CELF2: variants seen among roughly 807,000 people sequenced by gnomAD.
CELF2 encodes CUG triplet repeat RNA-binding protein 2.
Under a neutral mutation model 62.6 loss-of-function variants are expected in CELF2, and 8 were observed. The observed-to-expected ratio is 0.13, with a 90% confidence interval of 0.07 to 0.23. CELF2 has a LOEUF of 0.23. CELF2 is among the 10% of genes least tolerant of loss of function. The pLI is 1.00. For missense variants in CELF2, 333 were observed against 671.0 expected (o/e 0.50, Z 5.56); for synonymous variants, 258 against 250.0 (o/e 1.03, Z -0.30).
chr10:10,930,342 A>G (rs1592065407), intron 2 of CELF2, among the ~76,000 whole-genome samples: 1 of 152,210 alleles, frequency 6.6e-6, no homozygotes, highest in Non-Finnish European at 1.5e-5. Context: ...ACATACTTTA[A>G]AAATTAATAA....
intron 2 of CELF2, among the ~76,000 whole-genome samples, chr10:11,166,784 T>C (rs909432577): frequency 6.6e-6 from 1 of 152,240 alleles, no homozygotes; most frequent in African/African-American, 2.4e-5. Flanking sequence ...TCTCTAACCC[T>C]TTTCCTTACT....
intron 2 of CELF2, among the ~76,000 whole-genome samples, chr10:10,994,046 A>G (rs1177227423): frequency 6.6e-6 from 1 of 152,172 alleles, no homozygotes; most frequent in East Asian, 1.9e-4. Flanking sequence ...TTCTTAAGCC[A>G]CTCAGTTTAT....
chr10:10,576,964 A>C, the CELF2 span, among the ~76,000 whole-genome samples: 1 of 152,224 alleles, frequency 6.6e-6, no homozygotes, highest in Non-Finnish European at 1.5e-5. Flanking sequence ...AGGGGTTTAC[A>C]TATTCACTCC....
At chr10:10,479,026 G>A in the CELF2 span, among the ~76,000 whole-genome samples, 7 of 152,136 alleles carry the variant, frequency 4.6e-5, no homozygotes, top group East Asian at 5.8e-4. Context: ...CTGACAGGTC[G>A]CTTGTCTGCT....
the CELF2 span, among the ~76,000 whole-genome samples, chr10:10,519,630 G>T: frequency 4.6e-5 from 7 of 152,312 alleles, no homozygotes; most frequent in Admixed American, 2.6e-4. Context: ...TTTCTTAGAA[G>T]TAAACAATTT....
At chr10:11,084,717 A>T (rs1392976655) in intron 1 of CELF2, among the ~76,000 whole-genome samples, 3 of 152,114 alleles carry the variant, frequency 2.0e-5, no homozygotes, top group Admixed American at 6.5e-5. Flanking sequence ...ATTTTACCTG[A>T]TAATTAGTAA....
rs1031161750 is a variant in CELF2, at chr10:11,246,027, C to T, written c.355-3126C>T. Among the ~76,000 whole-genome samples the T allele has an allele frequency of 1.1e-4, 17 of 152,278 alleles. No homozygotes were observed. The highest frequency in any genetic ancestry group is 1.9e-4 in the East Asian group (1 of 5,188). On this transcript the variant is annotated intron_variant, in intron 3 of 12. Coordinates refer to ENST00000633077, the MANE Select transcript of CELF2 (RefSeq NM_001326342.2). The surrounding 1 kb of genome is among the most constrained non-coding windows in gnomAD (Gnocchi z 4.6). The stretch of plus-strand genomic sequence containing the variant: ...ACCTGTCAGCCGAGAGCACTGACTG[C>T]GTGATTTCCAGGGTCCTTTACAGCT...
the CELF2 span, among the ~76,000 whole-genome samples, chr10:10,591,603 A>C: frequency 6.6e-6 from 1 of 152,196 alleles, no homozygotes; most frequent in African/African-American, 2.4e-5. Flanking sequence ...GGAAAAACCA[A>C]TGTATATTTT....
At position 10,993,944 on chromosome 10, in the gene CELF2, G is replaced by T. The variant is rs547734150; in HGVS notation, c.89+73945G>T. Among the ~76,000 whole-genome samples the T allele has an allele frequency of 5.3e-5, 8 of 152,200 alleles. No individual in the cohort carries two copies. The highest frequency in any genetic ancestry group is 1.9e-4 in the African/African-American group (8 of 41,454). On this transcript the variant is annotated intron_variant, in intron 2 of 13. Coordinates refer to the CELF2 transcript ENST00000636488. The surrounding 1 kb of genome is among the most constrained non-coding windows in gnomAD (Gnocchi z 5.3). ...AGAGATGTGCAGGCATAGGGAGAAG[G>T]CTCCAAGGAGAGGAGCCTCATGAGA...
the CELF2 span, among the ~76,000 whole-genome samples, chr10:10,492,725 G>A: frequency 6.6e-6 from 1 of 152,178 alleles, no homozygotes; most frequent in African/African-American, 2.4e-5. Flanking sequence ...ATCAGTTACT[G>A]AAATGGTTTG....
intron 1 of CELF2, among the ~76,000 whole-genome samples, chr10:11,069,469 TA>T (rs1457321276): frequency 2.7e-5 from 4 of 145,558 alleles, no homozygotes; most frequent in Non-Finnish European, 6.0e-5. Context: ...GAAAAGGAAA[TA>T]CGGTATTCAT....
the CELF2 span, among the ~76,000 whole-genome samples, chr10:10,644,872 A>C: frequency 1.3e-5 from 2 of 152,176 alleles, no homozygotes; most frequent in Non-Finnish European, 2.9e-5. Flanking sequence ...GTGACTTAGA[A>C]AATGTCAGAT....
At chr10:10,757,555 C>G in the CELF2 span, among the ~76,000 whole-genome samples, 2 of 152,198 alleles carry the variant, frequency 1.3e-5, no homozygotes, top group Non-Finnish European at 2.9e-5. Context: ...TGTATGTATA[C>G]AATCTAAAAG....
chr10:11,072,447 A>G (rs1402859189), intron 1 of CELF2, among the ~76,000 whole-genome samples: 2 of 152,234 alleles, frequency 1.3e-5, no homozygotes, highest in Non-Finnish European at 2.9e-5. Flanking sequence ...GACCATGACC[A>G]TAGTGGAACC....
the CELF2 span, among the ~76,000 whole-genome samples, chr10:10,573,610 C>T: frequency 6.6e-6 from 1 of 152,116 alleles, no homozygotes; most frequent in African/African-American, 2.4e-5. Context: ...AGCACATGTA[C>T]TTACATTTTT....
intron 2 of CELF2, among the ~76,000 whole-genome samples, chr10:10,932,516 A>G (rs2066181077): frequency 6.6e-6 from 1 of 152,230 alleles, no homozygotes; most frequent in African/African-American, 2.4e-5. Context: ...CCCTATAAAT[A>G]TGGGAAAGTT....
At chr10:10,988,312 G>C (rs957842621) in intron 2 of CELF2, among the ~76,000 whole-genome samples, 1 of 151,442 alleles carries the variant, frequency 6.6e-6, no homozygotes, top group African/African-American at 2.4e-5. Context: ...GAGAGAGAGA[G>C]AGCATGGAAT....
the CELF2 span, among the ~76,000 whole-genome samples, chr10:10,535,121 A>G: frequency 6.6e-6 from 1 of 152,232 alleles, no homozygotes; most frequent in Non-Finnish European, 1.5e-5. Context: ...AGAGTGTTAG[A>G]GAAGTTGAAG....
intron 2 of CELF2, among the ~76,000 whole-genome samples, chr10:10,963,265 G>C (rs1425594756): frequency 6.6e-6 from 1 of 152,094 alleles, no homozygotes; most frequent in Admixed American, 6.6e-5. Context: ...ATGTTGGCCA[G>C]GCTGGTCTTG....
Sources: allele counts gnomAD v4.1 joint callset (sites outside exome capture counted in the v4.1 genomes callset), GRCh38; gene constraint gnomAD v4.1.1; non-coding constraint Gnocchi (gnomAD v3.1); transcripts MANE v1.5; gene names NCBI Gene and HGNC (gene_info 2026-07-23, HGNC 2026-07-21).